Variants in FOSL2 observed in about 807,000 individuals in gnomAD.
FOSL2 encodes fos-related antigen 2.
FOSL2 carries 3 observed loss-of-function variants against 27.7 expected under a neutral mutation model. That is an observed-to-expected ratio of 0.11 (90% CI 0.05 to 0.28). The LOEUF (loss-of-function observed/expected upper bound fraction) is 0.28. Ranked by LOEUF, FOSL2 falls within the 10% of genes least tolerant of loss-of-function variation. The probability of loss-of-function intolerance (pLI) is 1.00; values close to 1 mark genes in which losing one functional copy is unlikely to be tolerated. For missense variants in FOSL2, 333 were observed against 445.1 expected, an observed-to-expected ratio of 0.75 and a Z score of 2.27; for synonymous variants, 179 against 190.1, an observed-to-expected ratio of 0.94 and a Z score of 0.48.
At position 28,393,140 on chromosome 2, in the gene FOSL2, C is replaced by G. The variant is rs555320989; in HGVS notation, c.-581C>G. ...CTCGGGGCCGCGGGACGGGCGCACGCCGCCTTCTCCTAGTCAAGTATCCGA... is the reference window on the plus strand; with the variant it reads ...CTCGGGGCCGCGGGACGGGCGCACGGCGCCTTCTCCTAGTCAAGTATCCGA... On this transcript the variant is annotated 5_prime_UTR_variant, in exon 1 of 4. Transcript: ENST00000264716. This position sits in a 1 kb window ranked among gnomAD's most constrained non-coding sequence, Gnocchi z 4.6. The G allele has an allele frequency of 5.1e-5, 17 of 331,418 alleles. No homozygotes were observed. Among genetic ancestry groups the G allele is most frequent in the African/African-American group, 3.5e-4 (16 of 45,878 alleles). 20.5% of individuals were successfully genotyped at this position (331,418 alleles called of 1,614,324 possible).
chr2:28,411,048 T>C (rs1402147897), intron 3 of FOSL2, among the ~76,000 whole-genome samples: 1 of 151,074 alleles, frequency 6.6e-6, no homozygotes, highest in East Asian at 2.0e-4. Context: ...CTCGGGAGGC[T>C]GAGACTGGAG....
chr2:28,412,167 T>TCGTCGG lies in FOSL2; in HGVS notation c.703_708dup (p.Ser235_Ala236dup). ...CCTGGAAGAGGACAGCCCCTCGTCC[T>TCGTCGG]CGTCGGCGGGGCTGGACAAGGCCCA... On this transcript the variant is annotated inframe_insertion, in exon 4 of 4. Coordinates refer to ENST00000264716, the MANE Select transcript of FOSL2 (RefSeq NM_005253.4). This position sits in a 1 kb window ranked among gnomAD's most constrained non-coding sequence, Gnocchi z 7.1. 6.2e-7 allele frequency: 1 copy of TCGTCGG among 1,608,070 alleles called. No homozygotes were observed. Among genetic ancestry groups the TCGTCGG allele is most frequent in the Non-Finnish European group, 8.5e-7 (1 of 1,176,220 alleles).
intron 1 of FOSL2, among the ~76,000 whole-genome samples, chr2:28,403,481 G>C (rs1664015472): frequency 6.6e-6 from 1 of 152,208 alleles, no homozygotes; most frequent in Non-Finnish European, 1.5e-5. Context: ...AGGACAGCAA[G>C]GGATGTCTGG....
In FOSL2 at chr2:28,412,227, G is replaced by T. The variant is rs760337334; in HGVS notation, c.760G>T (p.Gly254Cys). 1 of 1,613,772 alleles carries T rather than the reference G, an allele frequency of 6.2e-7. No individual in the cohort carries two copies. Among genetic ancestry groups the T allele is most frequent in the Non-Finnish European group, 8.5e-7 (1 of 1,179,934 alleles). ...SVIKPISIAGGFYGEEPLHTP... is the reference protein window; with the variant it reads ...SVIKPISIAGCFYGEEPLHTP... ...CATCAAGCCCATCAGCATTGCTGGG[G>T]GCTTCTACGGTGAGGAGCCCCTGCA... The change falls in exon 4 of 4, where the codon GGC (glycine) becomes TGC (cysteine). Residue 254 changes from glycine to cysteine, a missense_variant. Physicochemically the swap from Gly to Cys is radical, Grantham distance 159. Transcript: ENST00000264716. The surrounding 1 kb of genome is among the most constrained non-coding windows in gnomAD (Gnocchi z 7.1).
At position 28,393,379 on chromosome 2, in the gene FOSL2, C is replaced by A; in HGVS notation, c.-342C>A. 3.3e-6 allele frequency: 1 copy of A among 299,334 alleles called. No homozygotes were observed. Among genetic ancestry groups the A allele is most frequent in the Non-Finnish European group, 6.2e-6 (1 of 161,620 alleles). 18.5% of individuals were successfully genotyped at this position (299,334 alleles called of 1,614,324 possible). A position where few individuals can be genotyped will look rare whatever the true frequency, so the allele number is the denominator to read the frequency against. On this transcript the variant is annotated 5_prime_UTR_variant, in exon 1 of 4. Coordinates refer to ENST00000264716, the MANE Select transcript of FOSL2 (RefSeq NM_005253.4). This position sits in a 1 kb window ranked among gnomAD's most constrained non-coding sequence, Gnocchi z 4.6. ...TCCAATTTTTGATTGGGCCGTGGGT[C>A]CCCGCTGAGCTCCGGCTGCGCGCGG... is the stretch of plus-strand genomic sequence containing the variant.
At chr2:28,410,445 C>T in intron 3 of FOSL2, 1 of 781,584 alleles carries the variant, frequency 1.3e-6, no homozygotes, top group Non-Finnish European at 1.6e-6. Context: ...ACCCAGCCAC[C>T]CAGGCCCCTG....
rs745759041 is a variant in FOSL2 at position 28,393,690 on chromosome 2, C to T, written c.-31C>T. The T allele has an allele frequency of 2.6e-6, 4 of 1,527,088 alleles. No homozygotes were observed. The highest frequency in any genetic ancestry group is 1.8e-5 in the Admixed American group (1 of 56,038). 94.6% of individuals were successfully genotyped at this position (1,527,088 alleles called of 1,614,324 possible). ...GGCGAGGGCGGGGGAAGAAAAACAC[C>T]CTGTTTCCTCTCCGGCCCCCACCGC... On this transcript the variant is annotated 5_prime_UTR_variant, in exon 1 of 4. Transcript: ENST00000264716. The surrounding 1 kb of genome is among the most constrained non-coding windows in gnomAD (Gnocchi z 4.6).
chr2:28,394,439 C>CCCTGCCTG (rs1192536380), intron 1 of FOSL2: 1 of 153,030 alleles, frequency 6.5e-6, no homozygotes, highest in Non-Finnish European at 1.5e-5. Context: ...CCTGTGTGCC[C>CCCTGCCTG]CCTGCCTGCC....
At position 28,393,307 on chromosome 2, in the gene FOSL2, A is replaced by G. The variant is rs2148072963; in HGVS notation, c.-414A>G. On this transcript the variant is annotated 5_prime_UTR_variant, in exon 1 of 4. Transcript: ENST00000264716. The surrounding 1 kb of genome is among the most constrained non-coding windows in gnomAD (Gnocchi z 4.6). ...GCCCTGTCTGAAATCGGGGGTCCCC[A>G]GGGCTGGCAGGCCAGGCTCGCTGGG... is the stretch of plus-strand genomic sequence containing the variant. 1 of 213,788 alleles carries G rather than the reference A, an allele frequency of 4.7e-6. No individual in the cohort carries two copies. The highest frequency in any genetic ancestry group is 9.2e-6 in the Non-Finnish European group (1 of 109,166). The allele number at this position is 213,788 out of a possible 1,614,324, so 13.2% of individuals were successfully genotyped here. A position where few individuals can be genotyped will look rare whatever the true frequency, so the allele number is the denominator to read the frequency against.
chr2:28,399,646 G>A (rs1182203842), intron 1 of FOSL2, among the ~76,000 whole-genome samples: 3 of 152,160 alleles, frequency 2.0e-5, no homozygotes, highest in Admixed American at 6.5e-5. Flanking sequence ...GGTTCAAGCT[G>A]ATAAGTGAGA....
rs377058729 is a variant in FOSL2, at chr2:28,416,117, G to T, written c.*3669G>T. On this transcript the variant is annotated 3_prime_UTR_variant, in exon 4 of 4. Transcript: ENST00000264716. Reference sequence around the variant, plus strand: ...GCCAGCATCTCACTATTTATTGACAGGTTGGGCTGTGTGTGTGCGCATGTG... The same window carrying T: ...GCCAGCATCTCACTATTTATTGACATGTTGGGCTGTGTGTGTGCGCATGTG... 2.0e-4 allele frequency: 30 copies of T among 152,058 alleles called. No individual in the cohort carries two copies. Among genetic ancestry groups the T allele is most frequent in the African/African-American group, 7.2e-4 (30 of 41,392 alleles). 9.4% of individuals were successfully genotyped at this position (152,058 alleles called of 1,614,324 possible).
In FOSL2 at chr2:28,413,691, CTG is replaced by C; in HGVS notation, c.*1246_*1247del. 2.5e-6 allele frequency: 1 copy of C among 399,262 alleles called. No individual in the cohort carries two copies. The highest frequency in any genetic ancestry group is 4.4e-6 in the Non-Finnish European group (1 of 226,528). The allele number at this position is 399,262 out of a possible 1,614,324, so 24.7% of individuals were successfully genotyped here. A position where few individuals can be genotyped will look rare whatever the true frequency, so the allele number is the denominator to read the frequency against. On this transcript the variant is annotated 3_prime_UTR_variant, in exon 4 of 4. Transcript: ENST00000264716. ...CAGGGCACCGGGCCTTTCCTGCCCT[CTG>C]TGGTCATCTGCCACCTGCTGGATCA...
rs115898916 is a variant in FOSL2 at position 28,405,397 on chromosome 2, C to G, written c.354+1039C>G. Among the ~76,000 whole-genome samples the G allele has an allele frequency of 6.2e-3, 937 of 152,318 alleles. 7 individuals carry two copies. Among genetic ancestry groups the G allele is most frequent in the African/African-American group, 0.022 (899 of 41,554 alleles). On this transcript the variant is annotated intron_variant, in intron 2 of 3. Transcript: ENST00000264716. ...CCTGAGCCCAGGGAAGGGAAAAATA[C>G]TTTAGCAGTGGAATCCCTTTTTCAA...
At chr2:28,395,991 A>G (rs113077400) in intron 1 of FOSL2, among the ~76,000 whole-genome samples, 3 of 152,140 alleles carry the variant, frequency 2.0e-5, no homozygotes, top group African/African-American at 7.2e-5. Context: ...TAACTTTACT[A>G]CATACCAGAT....
chr2:28,409,946 G>C (rs1305320596), intron 3 of FOSL2, among the ~76,000 whole-genome samples: 1 of 152,142 alleles, frequency 6.6e-6, no homozygotes, highest in Non-Finnish European at 1.5e-5. Context: ...TCACCATGTT[G>C]GCTAGGCTGG....
chr2:28,402,460 G>A (rs1236110201), intron 1 of FOSL2, among the ~76,000 whole-genome samples: 2 of 152,262 alleles, frequency 1.3e-5, no homozygotes, highest in Middle Eastern at 3.2e-3. Flanking sequence ...TACTCTATGT[G>A]TTATTTACAC....
intron 1 of FOSL2, among the ~76,000 whole-genome samples, chr2:28,400,208 G>C (rs1663941394): frequency 6.6e-6 from 1 of 152,134 alleles, no homozygotes; most frequent in African/African-American, 2.4e-5. Flanking sequence ...CACACTCCTG[G>C]CATGCATGCA....
Position 28,413,435 on chromosome 2 carries a change from C to T in FOSL2, c.*987C>T, listed in dbSNP as rs1040683262. 43 of 398,546 alleles carry T rather than the reference C, an allele frequency of 1.1e-4. No homozygotes were observed. Among genetic ancestry groups the T allele is most frequent in the African/African-American group, 8.2e-4 (40 of 48,546 alleles). The allele number at this position is 398,546 out of a possible 1,614,324, so 24.7% of individuals were successfully genotyped here. A position where few individuals can be genotyped will look rare whatever the true frequency, so the allele number is the denominator to read the frequency against. On this transcript the variant is annotated 3_prime_UTR_variant, in exon 4 of 4. Coordinates refer to ENST00000264716, the MANE Select transcript of FOSL2 (RefSeq NM_005253.4). ...TTATACTCCAAGTCCCTGCCGGGCT[C>T]CGCCTTTCCCCCACCCTGGCTCTCA...
In FOSL2 at chr2:28,404,291, C is replaced by A. The variant is rs1664034479; in HGVS notation, c.287C>A (p.Ala96Asp). The A allele has an allele frequency of 6.2e-7, 1 of 1,614,188 alleles. No homozygotes were observed. The highest frequency in any genetic ancestry group is 1.3e-5 in the African/African-American group (1 of 75,044). Residue 96 changes from alanine to aspartate, a missense_variant, in exon 2 of 4, where the codon GCC becomes GAC. Physicochemically the swap from Ala to Asp is moderately radical, Grantham distance 126. Coordinates refer to ENST00000264716, the MANE Select transcript of FOSL2 (RefSeq NM_005253.4). The surrounding 1 kb of genome is among the most constrained non-coding windows in gnomAD (Gnocchi z 4.7). ...PGLASVPGHMALPRPGVIKTI... is the reference protein window; with the variant it reads ...PGLASVPGHMDLPRPGVIKTI... ...CTGGCCTCTGTCCCTGGACACATGG[C>A]CCTCCCAAGACCTGGCGTGATCAAG... is the stretch of plus-strand genomic sequence containing the variant.
Sources: allele counts gnomAD v4.1 joint callset (sites outside exome capture counted in the v4.1 genomes callset), GRCh38; gene constraint gnomAD v4.1.1; non-coding constraint Gnocchi (gnomAD v3.1); transcripts MANE v1.5; gene names NCBI Gene and HGNC (gene_info 2026-07-23, HGNC 2026-07-21).